The following KDM6B variants were observed in gnomAD, a reference collection of about 807,000 sequenced individuals.
KDM6B encodes the protein lysine-specific demethylase 6B.
A neutral mutation model predicts 150.4 loss-of-function variants in KDM6B; 22 were observed. That is an observed-to-expected ratio of 0.15 (90% CI 0.10 to 0.21). KDM6B has a LOEUF of 0.21. KDM6B is among the 10% of genes least tolerant of loss of function. The pLI, the probability that KDM6B is intolerant of heterozygous loss-of-function variation, is 1.00. For synonymous variants in KDM6B, 1,148 were observed against 921.1 expected (o/e 1.25, Z -4.46); for missense variants, 1,984 against 2,234.3 (o/e 0.89, Z 2.26).
intron 1 of KDM6B, among the ~76,000 whole-genome samples, chr17:7,839,560 G>A (rs1045900586): frequency 2.6e-5 from 4 of 152,144 alleles, no homozygotes; most frequent in Non-Finnish European, 4.4e-5. Context: ...CCTGGTGCTA[G>A]GACTCAGGCT....
chr17:7,852,194 T>A lies in KDM6B; in HGVS notation c.4326T>A (p.Asp1442Glu), dbSNP rs144728516. The change falls in exon 20 of 24, where the codon GAT (aspartate) becomes GAA (glutamate). Residue 1442 changes from aspartate (D) to glutamate (E), a missense_variant. Asp to Glu is a conservative substitution (Grantham distance 45, BLOSUM62 2). This residue lies in a region of KDM6B where 41 missense variants were observed against 158.8 expected (regional missense o/e 0.26). Coordinates refer to ENST00000448097, the MANE Select transcript of KDM6B (RefSeq NM_001348716.2). The stretch of plus-strand genomic sequence containing the variant: ...CGGGTTCCTGGTGGCCAATCCTGGA[T>A]GATCTCTATGCATCCAATATTCCTG... ...YLTGSWWPIL[D>E]DLYASNIPVY... 11 of 1,614,070 alleles carry A rather than the reference T, an allele frequency of 6.8e-6. No individual in the cohort carries two copies. The highest frequency in any genetic ancestry group is 9.3e-6 in the Non-Finnish European group (11 of 1,180,046).
chr17:7,835,526 C>G (rs1254912462), intron 1 of KDM6B, among the ~76,000 whole-genome samples: 11 of 152,032 alleles, frequency 7.2e-5, no homozygotes, highest in Admixed American at 1.3e-4. Flanking sequence ...GTTGCTTGTC[C>G]TGTTGCCAGA....
chr17:7,854,646 G>A lies in KDM6B; in HGVS notation c.*1125G>A, dbSNP rs1435627455. 6.4e-6 allele frequency: 1 copy of A among 156,710 alleles called. No individual in the cohort carries two copies. Among genetic ancestry groups the A allele is most frequent in the East Asian group, 1.9e-4 (1 of 5,252 alleles). 9.7% of individuals were successfully genotyped at this position (156,710 alleles called of 1,614,324 possible). On this transcript the variant is annotated 3_prime_UTR_variant, in exon 24 of 24. Transcript: ENST00000448097. ...GTTGGTTGTTTTTTCTCCACGCTGG[G>A]GCTGCGGAGGGGTGGGGGGTTTACA...
At position 7,851,217 on chromosome 17, in the gene KDM6B, G is replaced by A. The variant is rs189903077; in HGVS notation, c.3870G>A (p.Glu1290=). 6.2e-7 allele frequency: 1 copy of A among 1,614,070 alleles called. No individual in the cohort carries two copies. The highest frequency in any genetic ancestry group is 1.1e-5 in the South Asian group (1 of 91,090). The change falls in exon 15 of 24, where the codon GAG becomes GAA. Residue 1290 remains glutamate, a synonymous_variant. Transcript: ENST00000448097. The part of the protein sequence containing the change: ...YAQYQASSFQ[E]SLQEEKESED... ...AGTACCAGGCCTCATCCTTCCAGGA[G>A]TCTCTGCAGGTGAGATGAGAACGTG...
chr17:7,835,753 C>T (rs1019049311), intron 1 of KDM6B, among the ~76,000 whole-genome samples: 4 of 151,922 alleles, frequency 2.6e-5, no homozygotes, highest in African/African-American at 9.7e-5. Context: ...GCCCACCCCC[C>T]GCCCTGCGCC....
In KDM6B at chr17:7,843,593, C is replaced by T. The variant is rs1047148925; in HGVS notation, c.-268-1308C>T. Among the ~76,000 whole-genome samples, 4 of 152,200 alleles carry T rather than the reference C, an allele frequency of 2.6e-5. No individual in the cohort carries two copies. The highest frequency in any genetic ancestry group is 7.2e-5 in the African/African-American group (3 of 41,466). ...ATTTCCCCACAGCGCAGACTTCTCTCAACGAACGCGAACTTTCCAGCCACC... is the reference window on the plus strand; with the variant it reads ...ATTTCCCCACAGCGCAGACTTCTCTTAACGAACGCGAACTTTCCAGCCACC... On this transcript the variant is annotated intron_variant, in intron 2 of 23. Transcript: ENST00000448097. This position sits in a 1 kb window ranked among gnomAD's most constrained non-coding sequence, Gnocchi z 4.5.
chr17:7,847,431 C>A lies in KDM6B; in HGVS notation c.1236C>A (p.Gly412=). The change falls in exon 11 of 24, where the codon GGC becomes GGA. Residue 412 remains glycine, a synonymous_variant. Coordinates refer to ENST00000448097, the MANE Select transcript of KDM6B (RefSeq NM_001348716.2). ...SSSSSNTGLR[G]VEPNPGIPGA... is the part of the protein sequence containing the mutation. ...GCAGCAGCAACACTGGTCTCCGGGG[C>A]GTGGAGCCGAACCCAGGCATTGTGA... is the stretch of plus-strand genomic sequence containing the variant. 3 of 1,613,672 alleles carry A rather than the reference C, an allele frequency of 1.9e-6. No homozygotes were observed. The highest frequency in any genetic ancestry group is 2.5e-6 in the Non-Finnish European group (3 of 1,179,976).
rs148841296 is a variant in KDM6B, at chr17:7,852,565, C to T, written c.4539C>T (p.Pro1513=). The stretch of plus-strand genomic sequence containing the variant: ...TGAAGAACGTCAAATCCATCGTGCC[C>T]ATGATTCACGTGTCATGGAACGTGG... The part of the protein sequence containing the change: ...NEVKNVKSIV[P]MIHVSWNVAR... The change falls in exon 21 of 24, where the codon CCC becomes CCT. Residue 1513 remains proline (P), a synonymous_variant. Transcript: ENST00000448097. The T allele has an allele frequency of 3.5e-4, 570 of 1,614,042 alleles. No homozygotes were observed. The Middle Eastern group carries it at 0.01, about 28-fold the overall frequency.
Position 7,847,818 on chromosome 17 carries a change from A to ACCCCC in KDM6B, c.1533_1537dup (p.Arg513ProfsTer71). 1.4e-6 allele frequency: 2 copies of ACCCCC among 1,416,458 alleles called. No homozygotes were observed. The highest frequency in any genetic ancestry group is 1.9e-6 in the Non-Finnish European group (2 of 1,061,008). 87.7% of individuals were successfully genotyped at this position (1,416,458 alleles called of 1,614,324 possible). A position where few individuals can be genotyped will look rare whatever the true frequency, so the allele number is the denominator to read the frequency against. ...AAGAGCTCTTCTTTGGGACTGAGGG[A>ACCCCC]CCCCCCCGCCCTGCCCCACCACCCC... On this transcript the variant is annotated frameshift_variant, in exon 12 of 24. Transcript: ENST00000448097. LOFTEE classifies it high-confidence loss of function.
rs1385169522 is a variant in KDM6B at position 7,847,148 on chromosome 17, C to T, written c.953C>T (p.Pro318Leu). The change falls in exon 11 of 24, where the codon CCA becomes CTA. Residue 318 changes from proline to leucine, a missense_variant. Pro to Leu is a moderately conservative substitution (Grantham distance 98, BLOSUM62 -3). Transcript: ENST00000448097. Reference sequence around the variant, plus strand: ...CCTCACCCATATCCATACCCAGCTCCAGCGTACACCGCGCACCCCCCTGGC... The same window carrying T: ...CCTCACCCATATCCATACCCAGCTCTAGCGTACACCGCGCACCCCCCTGGC... ...SLPHPYPYPA[P>L]AYTAHPPGHR... 1 of 1,608,742 alleles carries T rather than the reference C, an allele frequency of 6.2e-7. No homozygotes were observed. Among genetic ancestry groups the T allele is most frequent in the African/African-American group, 1.3e-5 (1 of 75,020 alleles).
Position 7,849,025 on chromosome 17 carries a change from G to T in KDM6B, c.2737G>T (p.Val913Leu). 6.2e-7 allele frequency: 1 copy of T among 1,609,308 alleles called. No individual in the cohort carries two copies. Among genetic ancestry groups the T allele is most frequent in the Non-Finnish European group, 8.5e-7 (1 of 1,178,494 alleles). Residue 913 changes from valine to leucine, a missense_variant, in exon 12 of 24, where the codon GTG becomes TTG. Val to Leu is a conservative substitution (Grantham distance 32). Coordinates refer to ENST00000448097, the MANE Select transcript of KDM6B (RefSeq NM_001348716.2). The stretch of plus-strand genomic sequence containing the variant: ...GCCCCCTGCTCGCTCTGAGTCTGAG[G>T]TGCTAGAAGAGATCAGCCGGGCTTG... ...SLPPARSESE[V>L]LEEISRACET...
chr17:7,849,137 A>C lies in KDM6B; in HGVS notation c.2849A>C (p.Glu950Ala). 1 of 1,612,200 alleles carries C rather than the reference A, an allele frequency of 6.2e-7. No homozygotes were observed. The highest frequency in any genetic ancestry group is 2.2e-5 in the East Asian group (1 of 44,870). ...DTAEPADSGT[E>A]RLLPPAQAKE... is the part of the protein sequence containing the mutation. The stretch of plus-strand genomic sequence containing the variant: ...GCAGAGCCAGCGGACAGTGGGACTG[A>C]GCGACTGCTGCCCCCCGCACAGGCC... Residue 950 changes from glutamate (E) to alanine (A), a missense_variant, in exon 12 of 24, where the codon GAG becomes GCG. By Grantham distance (107) the Glu-to-Ala change is moderately radical. Coordinates refer to ENST00000448097, the MANE Select transcript of KDM6B (RefSeq NM_001348716.2).
rs890587981 is a variant in KDM6B, at chr17:7,844,022, T to A, written c.-268-879T>A. ...GAGAGTGGGACAAGGGTGATGTCAC[T>A]GCCTGTCGGGCCCCGCCCTCCTCCC... is the stretch of plus-strand genomic sequence containing the variant. On this transcript the variant is annotated intron_variant, in intron 2 of 23. Coordinates refer to ENST00000448097, the MANE Select transcript of KDM6B (RefSeq NM_001348716.2). The surrounding 1 kb of genome is among the most constrained non-coding windows in gnomAD (Gnocchi z 5.9). Among the ~76,000 whole-genome samples, 16 of 150,758 alleles carry A rather than the reference T, an allele frequency of 1.1e-4. No homozygotes were observed. The highest frequency in any genetic ancestry group is 3.9e-4 in the African/African-American group (16 of 40,882).
Position 7,851,934 on chromosome 17 carries a change from T to C in KDM6B, c.4166-17T>C. 6.2e-7 allele frequency: 1 copy of C among 1,612,594 alleles called. No homozygotes were observed. Among genetic ancestry groups the C allele is most frequent in the Non-Finnish European group, 8.5e-7 (1 of 1,179,066 alleles). On this transcript the variant is annotated splice_polypyrimidine_tract_variant and intron_variant, in intron 18 of 23. Coordinates refer to ENST00000448097, the MANE Select transcript of KDM6B (RefSeq NM_001348716.2). ...TCCGACCTGGCCAGCCATGCCGTTCTCTGTCGACCCCTGCAGGCCACCAGG... is the reference window on the plus strand; with the variant it reads ...TCCGACCTGGCCAGCCATGCCGTTCCCTGTCGACCCCTGCAGGCCACCAGG...
rs1597862481 is a variant in KDM6B at position 7,853,583 on chromosome 17, C to G, written c.*62C>G. The G allele has an allele frequency of 7.9e-7, 1 of 1,270,768 alleles. No homozygotes were observed. Among genetic ancestry groups the G allele is most frequent in the East Asian group, 3.4e-5 (1 of 29,324 alleles). 78.7% of individuals were successfully genotyped at this position (1,270,768 alleles called of 1,614,324 possible). On this transcript the variant is annotated 3_prime_UTR_variant, in exon 24 of 24. Coordinates refer to ENST00000448097, the MANE Select transcript of KDM6B (RefSeq NM_001348716.2). ...GCGCCGCGGGGCCACCAGCACATGC[C>G]TGGGCTGGACCTAGGTCCCGCCTGT...
chr17:7,846,163 G>A lies in KDM6B; in HGVS notation c.322G>A (p.Gly108Arg). ...ATTGCTCCGGGAGCCAGCCCAGCCA[G>A]GGCTTTGGGAACAGCTTGGGCAACT... Reference protein sequence around the residue: ...QALLREPAQPGLWEQLGQLYE... With the variant: ...QALLREPAQPRLWEQLGQLYE... The change falls in exon 7 of 24, where the codon GGG (glycine) becomes AGG (arginine). Residue 108 changes from glycine (G) to arginine (R), a missense_variant. By Grantham distance (125) the Gly-to-Arg change is moderately radical. Transcript: ENST00000448097. The A allele has an allele frequency of 6.2e-7, 1 of 1,613,162 alleles. No individual in the cohort carries two copies. Among genetic ancestry groups the A allele is most frequent in the Non-Finnish European group, 8.5e-7 (1 of 1,179,598 alleles).
Position 7,846,456 on chromosome 17 carries a change from C to G in KDM6B, c.513C>G (p.Pro171=). 6.2e-7 allele frequency: 1 copy of G among 1,613,860 alleles called. No homozygotes were observed. Residue 171 remains proline (P), a synonymous_variant, in exon 8 of 24, where the codon CCC becomes CCG. Transcript: ENST00000448097. The part of the protein sequence containing the change: ...GSCQHRAKVL[P]PLEQVWNLLH... ...GCCAGCACCGAGCCAAGGTCCTGCC[C>G]CCACTGGAGCAAGTGTGGAACTTGC...
chr17:7,838,663 C>T (rs1555584168), intron 1 of KDM6B, among the ~76,000 whole-genome samples: 1 of 142,450 alleles, frequency 7.0e-6, no homozygotes, highest in Non-Finnish European at 1.5e-5. Flanking sequence ...AAAGTCTGCC[C>T]ACTCTGCTCT....
intron 12 of KDM6B, 37 bp from the exon 13 acceptor site, chr17:7,849,784 C>T (rs779581759): frequency 6.2e-7 from 1 of 1,612,892 alleles, no homozygotes; most frequent in South Asian, 1.1e-5. Context: ...CCCCATCACC[C>T]TGATGTTTCT....
Sources: allele counts gnomAD v4.1 joint callset (sites outside exome capture counted in the v4.1 genomes callset), GRCh38; gene constraint gnomAD v4.1.1; regional missense constraint gnomAD v4.1.1; non-coding constraint Gnocchi (gnomAD v3.1); transcripts MANE v1.5; gene names NCBI Gene and HGNC (gene_info 2026-07-23, HGNC 2026-07-21).